The following RUFY1 variants were observed in gnomAD, a reference collection of about 807,000 sequenced individuals.
The protein encoded by RUFY1 is RUN and FYVE domain-containing protein 1.
Under a neutral mutation model 94.6 loss-of-function variants are expected in RUFY1, and 54 were observed. That is an observed-to-expected ratio of 0.57 (90% CI 0.46 to 0.72). The LOEUF is 0.72. RUFY1 is among the 30% of genes least tolerant of loss of function. The pLI, the probability that RUFY1 is intolerant of heterozygous loss-of-function variation, is 0.00. For synonymous variants in RUFY1, 396 were observed against 347.3 expected (o/e 1.14, Z -1.56); for missense variants, 883 against 883.9 (o/e 1.00, Z 0.01).
intron 14 of RUFY1, among the ~76,000 whole-genome samples, chr5:179,601,563 G>A (rs943506429): frequency 3.3e-5 from 5 of 150,208 alleles, no homozygotes; most frequent in Non-Finnish European, 5.9e-5. Flanking sequence ...GCTCACGCCT[G>A]TAATCCCAGC....
intron 13 of RUFY1, 77 bp downstream of exon 13, chr5:179,596,758 T>C: frequency 1.5e-6 from 1 of 668,360 alleles, no homozygotes; most frequent in East Asian, 9.2e-5. Flanking sequence ...GGTGGTATCC[T>C]GCTTCAGCAC....
chr5:179,551,174 C>G (rs1354220630), intron 1 of RUFY1, among the ~76,000 whole-genome samples: 2 of 152,222 alleles, frequency 1.3e-5, no homozygotes, highest in African/African-American at 4.8e-5. Flanking sequence ...GTAGTAACTC[C>G]ACACACGAAA....
At chr5:179,585,442 A>G (rs963528113) in intron 7 of RUFY1, among the ~76,000 whole-genome samples, 1 of 152,038 alleles carries the variant, frequency 6.6e-6, no homozygotes, top group Non-Finnish European at 1.5e-5. Flanking sequence ...AGCCAGGTGC[A>G]GTGGCACGCA....
chr5:179,593,717 C>A, intron 11 of RUFY1, 72 bp downstream of exon 11: 2 of 1,549,002 alleles, frequency 1.3e-6, no homozygotes, highest in Non-Finnish European at 1.7e-6. Context: ...ATTCTTCTTA[C>A]AAAATGAGCG....
intron 11 of RUFY1, 82 bp downstream of exon 11, chr5:179,593,727 G>A (rs67799282): frequency 0.086 from 131,039 of 1,529,536 alleles, 6,085 homozygotes; most frequent in South Asian, 0.12. Flanking sequence ...CAAAATGAGC[G>A]AGTAGACACA....
intron 1 of RUFY1, chr5:179,555,621 C>CT (rs10556244): frequency 0.023 from 5,775 of 248,704 alleles, 15 homozygotes; most frequent in African/African-American, 0.025. Context: ...AAACTCCCAA[C>CT]TTTTTTTTTT....
At chr5:179,575,028 AC>A (rs1272799729) in intron 5 of RUFY1, among the ~76,000 whole-genome samples, 1 of 137,366 alleles carries the variant, frequency 7.3e-6, no homozygotes, top group Non-Finnish European at 1.6e-5. Flanking sequence ...TCCTCTTCTC[AC>A]CCCACCCCCC....
At chr5:179,589,460 A>C in intron 8 of RUFY1, 86 bp from the exon 9 acceptor site, 1 of 840,490 alleles carries the variant, frequency 1.2e-6, no homozygotes, top group Non-Finnish European at 2.0e-6. Context: ...TACATTGTCA[A>C]CTGTGAAGAT....
chr5:179,565,825 T>A (rs1310504607), intron 3 of RUFY1, among the ~76,000 whole-genome samples: 1 of 152,186 alleles, frequency 6.6e-6, no homozygotes, highest in East Asian at 1.9e-4. Context: ...TGGTAACCTG[T>A]TGTCATCAAA....
chr5:179,551,340 T>TA (rs1256169960), intron 1 of RUFY1, among the ~76,000 whole-genome samples: 1 of 152,242 alleles, frequency 6.6e-6, no homozygotes, highest in Admixed American at 6.5e-5. Context: ...GATGATCTCT[T>TA]AAAGACCTTT....
chr5:179,591,172 ATTC>A (rs749291822), intron 9 of RUFY1, among the ~76,000 whole-genome samples: 1 of 149,782 alleles, frequency 6.7e-6, no homozygotes, highest in African/African-American at 2.5e-5. Flanking sequence ...ACTTATTCTC[ATTC>A]TTCTTTTTTT....
At chr5:179,578,385 TTTTTTTTA>T (rs1763826942) in intron 6 of RUFY1, among the ~76,000 whole-genome samples, 1 of 151,094 alleles carries the variant, frequency 6.6e-6, no homozygotes, top group Admixed American at 6.6e-5. Context: ...GGCTAATTTT[TTTTTTTTA>T]TTTTTAGTAG....
intron 7 of RUFY1, among the ~76,000 whole-genome samples, chr5:179,581,236 C>G (rs1332516450): frequency 6.6e-6 from 1 of 152,134 alleles, no homozygotes; most frequent in African/African-American, 2.4e-5. Context: ...TTACATAATA[C>G]ACAGAAGTAA....
intron 16 of RUFY1, chr5:179,607,268 A>G (rs999452106): frequency 2.0e-5 from 8 of 390,958 alleles, no homozygotes; most frequent in African/African-American, 1.4e-4. Flanking sequence ...CGCTCTGCTT[A>G]CTTCAGCCAA....
intron 17 of RUFY1, among the ~76,000 whole-genome samples, chr5:179,609,062 A>G (rs958140199): frequency 1.3e-5 from 2 of 151,926 alleles, no homozygotes; most frequent in Non-Finnish European, 2.9e-5. Flanking sequence ...TACTAAAAAT[A>G]CAAAAAATTA....
intron 6 of RUFY1, among the ~76,000 whole-genome samples, chr5:179,578,094 T>TA (rs1763802800): frequency 6.6e-6 from 1 of 152,202 alleles, no homozygotes; most frequent in Non-Finnish European, 1.5e-5. Context: ...TTTAATGCCT[T>TA]ACAGGTATTT....
At chr5:179,568,899 AAGG>A (rs1466872891) in intron 4 of RUFY1, 10 of 352,048 alleles carry the variant, frequency 2.8e-5, no homozygotes, top group Non-Finnish European at 2.8e-5. Context: ...GGGACGCAAG[AAGG>A]AGGAGTGTTA....
At chr5:179,579,754 C>A (rs941988441) in intron 6 of RUFY1, among the ~76,000 whole-genome samples, 2 of 146,532 alleles carry the variant, frequency 1.4e-5, no homozygotes, top group Non-Finnish European at 3.0e-5. Context: ...ACCTCTGCCT[C>A]CCGAGTTCAA....
At chr5:179,569,769 G>T (rs1004001958) in intron 5 of RUFY1, among the ~76,000 whole-genome samples, 2 of 152,100 alleles carry the variant, frequency 1.3e-5, no homozygotes, top group African/African-American at 4.8e-5. Context: ...TTTTGAGACG[G>T]AGTCTCGTTG....
Sources: gnomAD v4.1 joint callset for allele counts (sites outside exome capture counted in the v4.1 genomes callset) on GRCh38, gnomAD v4.1.1 for gene constraint, MANE v1.5 for transcripts, NCBI Gene and HGNC (gene_info 2026-07-23, HGNC 2026-07-21) for gene names.